Variants in R3HCC1L observed in about 807,000 individuals in gnomAD.
The protein encoded by R3HCC1L is coiled-coil domain-containing protein R3HCC1L.
R3HCC1L carries 51 observed loss-of-function variants against 59.9 expected under a neutral mutation model. The ratio of observed to expected loss-of-function variants is 0.85; its 90% CI spans 0.68 to 1.07. The LOEUF is 1.07. R3HCC1L is among the 50% of genes least tolerant of loss of function. The pLI is 0.00. For missense variants in R3HCC1L, 965 were observed against 933.0 expected, an observed-to-expected ratio of 1.03 and a Z score of -0.45; for synonymous variants, 322 against 315.2, an observed-to-expected ratio of 1.02 and a Z score of -0.23.
At chr10:98,185,782 G>C (rs992558280) in intron 4 of R3HCC1L, among the ~76,000 whole-genome samples, 1 of 152,156 alleles carries the variant, frequency 6.6e-6, no homozygotes, top group Non-Finnish European at 1.5e-5. Context: ...ACTTTAGGGA[G>C]GGTGACATCT....
chr10:98,152,428 G>C (rs370181753), intron 1 of R3HCC1L, among the ~76,000 whole-genome samples: 4,012 of 148,274 alleles, frequency 0.027, 92 homozygotes, highest in Non-Finnish European at 0.042. Context: ...TCTGGGATGT[G>C]AGGAGCCCCT....
At position 98,171,208 on chromosome 10, in the gene R3HCC1L, T is replaced by A. The variant is rs564279234; in HGVS notation, c.-15+7811T>A. ...TCCAGTCTTGCATTGCCACTTAATA[T>A]CTGTGTAACCACAGACATTACAATT... On this transcript the variant is annotated intron_variant, in intron 4 of 9. Transcript: ENST00000298999. 3.3e-5 allele frequency among the ~76,000 whole-genome samples: 5 copies of A among 152,352 alleles called. No individual in the cohort carries two copies. The East Asian group carries it at 7.7e-4, about 24-fold the overall frequency.
intron 2 of R3HCC1L, among the ~76,000 whole-genome samples, chr10:98,162,598 T>C (rs1302296000): frequency 1.3e-5 from 2 of 152,180 alleles, no homozygotes; most frequent in African/African-American, 4.8e-5. Context: ...GTATCCACCA[T>C]GTTCTGTAAG....
chr10:98,185,176 T>A (rs567536697), intron 4 of R3HCC1L, among the ~76,000 whole-genome samples: 13 of 152,310 alleles, frequency 8.5e-5, no homozygotes, highest in Admixed American at 8.5e-4. Context: ...TTAAATCTGT[T>A]CCTTTCAGTT....
At chr10:98,153,288 A>G (rs540066411) in intron 1 of R3HCC1L, among the ~76,000 whole-genome samples, 1 of 152,274 alleles carries the variant, frequency 6.6e-6, no homozygotes, top group Admixed American at 6.5e-5. Flanking sequence ...CTGCCTTGGG[A>G]TGCTGTTGAT....
intron 6 of R3HCC1L, among the ~76,000 whole-genome samples, chr10:98,233,264 A>G (rs944883216): frequency 2.6e-5 from 4 of 152,186 alleles, no homozygotes; most frequent in Non-Finnish European, 5.9e-5. Flanking sequence ...GTTTCTTGAT[A>G]ATCTCACCTG....
intron 4 of R3HCC1L, among the ~76,000 whole-genome samples, chr10:98,177,147 A>G (rs780086652): frequency 2.0e-5 from 3 of 152,070 alleles, no homozygotes; most frequent in Non-Finnish European, 4.4e-5. Context: ...CATCATTTAC[A>G]TTAGGTATTT....
At chr10:98,232,103 C>G (rs1856463817) in intron 6 of R3HCC1L, among the ~76,000 whole-genome samples, 1 of 152,132 alleles carries the variant, frequency 6.6e-6, no homozygotes, top group Non-Finnish European at 1.5e-5. Flanking sequence ...ATCCTCCCAG[C>G]TTAGCCTCCC....
rs762380439 is a variant in R3HCC1L at position 98,208,549 on chromosome 10, G to A, written c.435G>A (p.Val145=). The part of the protein sequence containing the change: ...PLQRHFKPKK[V]ECLEVETTDV... ...AGAGACATTTTAAACCAAAGAAGGT[G>A]GAGTGTTTGGAAGTTGAAACTACGG... The change falls in exon 5 of 10, where the codon GTG becomes GTA. Residue 145 remains valine (V), a synonymous_variant. Transcript: ENST00000298999. The A allele has an allele frequency of 5.6e-6, 9 of 1,614,002 alleles. No homozygotes were observed. The East Asian group carries it at 6.7e-5, about 12-fold the overall frequency.
At chr10:98,150,351 T>C (rs1243446717) in intron 1 of R3HCC1L, among the ~76,000 whole-genome samples, 1 of 152,254 alleles carries the variant, frequency 6.6e-6, no homozygotes, top group Non-Finnish European at 1.5e-5. Flanking sequence ...TGTTGTTTCT[T>C]GTGGATGTGC....
intron 4 of R3HCC1L, among the ~76,000 whole-genome samples, chr10:98,166,137 G>A (rs1451247880): frequency 6.6e-6 from 1 of 152,142 alleles, no homozygotes; most frequent in Non-Finnish European, 1.5e-5. Context: ...CCATTGCACT[G>A]CAGTCTGGGC....
At chr10:98,160,855 C>T (rs952320537) in intron 2 of R3HCC1L, among the ~76,000 whole-genome samples, 10 of 152,144 alleles carry the variant, frequency 6.6e-5, no homozygotes, top group African/African-American at 1.4e-4. Context: ...GTGTTTTTCC[C>T]CCCTCAGGAT....
chr10:98,212,622 T>C (rs1239632476), intron 5 of R3HCC1L, among the ~76,000 whole-genome samples: 1 of 152,192 alleles, frequency 6.6e-6, no homozygotes, highest in East Asian at 1.9e-4. Flanking sequence ...ATGAAGGAGA[T>C]GATATTGGCA....
At chr10:98,223,978 C>T (rs960577658) in intron 5 of R3HCC1L, among the ~76,000 whole-genome samples, 2 of 152,090 alleles carry the variant, frequency 1.3e-5, no homozygotes, top group South Asian at 2.1e-4. Flanking sequence ...CCAAGCAGCA[C>T]GCAGAATAAT....
intron 1 of R3HCC1L, among the ~76,000 whole-genome samples, chr10:98,138,301 C>T (rs934801994): frequency 6.6e-6 from 1 of 152,104 alleles, no homozygotes; most frequent in Admixed American, 6.5e-5. Context: ...TTTTTTCACA[C>T]CAGACTTGTA....
At chr10:98,168,625 G>T (rs1006044631) in intron 4 of R3HCC1L, among the ~76,000 whole-genome samples, 4 of 152,154 alleles carry the variant, frequency 2.6e-5, no homozygotes, top group Non-Finnish European at 5.9e-5. Flanking sequence ...CCAGCTGCAG[G>T]CAGAGAGGCA....
intron 4 of R3HCC1L, among the ~76,000 whole-genome samples, chr10:98,189,173 A>G (rs1403932560): frequency 6.6e-6 from 1 of 152,200 alleles, no homozygotes; most frequent in Non-Finnish European, 1.5e-5. Flanking sequence ...GTTGAGAGAA[A>G]TAGAAATGCC....
chr10:98,240,868 A>G (rs7899632), intron 9 of R3HCC1L, among the ~76,000 whole-genome samples: 60,168 of 149,434 alleles, frequency 0.4, 12,605 homozygotes, highest in South Asian at 0.57. Flanking sequence ...TTTGGTGTCA[A>G]TTGCTGTTTA....
intron 5 of R3HCC1L, among the ~76,000 whole-genome samples, chr10:98,228,525 C>T (rs540845182): frequency 9.9e-5 from 15 of 152,248 alleles, no homozygotes; most frequent in East Asian, 3.9e-4. Flanking sequence ...TTCTCCCATT[C>T]TGTAGGTTGC....
Sources: gnomAD v4.1 joint callset for allele counts (sites outside exome capture counted in the v4.1 genomes callset) on GRCh38, gnomAD v4.1.1 for gene constraint, MANE v1.5 for transcripts, NCBI Gene and HGNC (gene_info 2026-07-23, HGNC 2026-07-21) for gene names.